Variants in SMIM19 observed in about 807,000 individuals in gnomAD.
SMIM19 encodes the protein UPF0697 protein C8orf40.
Under a neutral mutation model 13.2 loss-of-function variants are expected in SMIM19, and 6 were observed. The ratio of observed to expected loss-of-function variants is 0.45; its 90% confidence interval spans 0.25 to 0.90. The LOEUF (loss-of-function observed/expected upper bound fraction) is 0.90. Ranked by LOEUF, SMIM19 falls within the 40% of genes least tolerant of loss-of-function variation. The pLI is 0.19. For synonymous variants in SMIM19, 46 were observed against 43.1 expected, an observed-to-expected ratio of 1.07 and a Z score of -0.27; for missense variants, 138 against 131.0, an observed-to-expected ratio of 1.05 and a Z score of -0.26.
At chr8:42,543,614 C>T (rs182407456) in intron 1 of SMIM19, among the ~76,000 whole-genome samples, 3 of 152,176 alleles carry the variant, frequency 2.0e-5, no homozygotes, top group East Asian at 3.9e-4. Context: ...GAGGAAGTAG[C>T]GCTTTTGAGT....
intron 3 of SMIM19, among the ~76,000 whole-genome samples, chr8:42,550,746 C>T (rs1813647707): frequency 6.6e-6 from 1 of 152,108 alleles, no homozygotes. Context: ...AACATAGGCA[C>T]AGATTATGGG....
chr8:42,552,769 T>A lies in SMIM19; in HGVS notation c.*161T>A. ...TTGTTTTGCCTTTTTAAATTACATC[T>A]CCAAGTGGCTCAAAAGGCCTTGACA... is the stretch of plus-strand genomic sequence containing the variant. On this transcript the variant is annotated 3_prime_UTR_variant, in exon 4 of 4. Transcript: ENST00000417410. The A allele has an allele frequency of 1.3e-6, 1 of 771,788 alleles. No individual in the cohort carries two copies. Among genetic ancestry groups the A allele is most frequent in the Non-Finnish European group, 2.0e-6 (1 of 494,290 alleles). 47.8% of individuals were successfully genotyped at this position (771,788 alleles called of 1,614,324 possible).
chr8:42,550,407 C>T (rs912121011), intron 3 of SMIM19, among the ~76,000 whole-genome samples: 3 of 152,150 alleles, frequency 2.0e-5, no homozygotes, highest in African/African-American at 7.2e-5. Context: ...AGCTCCACAG[C>T]AGCTGCACCG....
At position 42,546,537 on chromosome 8, in the gene SMIM19, G is replaced by A; in HGVS notation, c.65G>A (p.Trp22Ter). The A allele has an allele frequency of 6.2e-7, 1 of 1,614,228 alleles. No homozygotes were observed. The highest frequency in any genetic ancestry group is 8.5e-7 in the Non-Finnish European group (1 of 1,180,046). Residue 22 changes from tryptophan to a stop codon, truncating the protein, a stop_gained, in exon 2 of 4, where the codon TGG becomes TAG. Transcript: ENST00000417410. LOFTEE classifies it high-confidence loss of function. ...ATTGATTATACTGTTCACGAAGCCT[G>A]GAATGAAGCCACCAATGTTTACTTG... ...GSIDYTVHEA[W>*]NEATNVYLIV...
chr8:42,548,543 G>C, intron 2 of SMIM19, 113 bp from the exon 3 acceptor site: 1 of 1,349,752 alleles, frequency 7.4e-7, no homozygotes, highest in South Asian at 1.2e-5. Context: ...AAAGTAAAAT[G>C]GTCTTGTCAT....
chr8:42,542,555 A>G (rs1813286629), intron 1 of SMIM19, 182 bp downstream of exon 1: 2 of 838,920 alleles, frequency 2.4e-6, no homozygotes, highest in Admixed American at 1.2e-4. Flanking sequence ...ATAACATTCA[A>G]GGCACGATGA....
intron 1 of SMIM19, among the ~76,000 whole-genome samples, chr8:42,545,536 G>A (rs2974343): frequency 0.54 from 82,647 of 151,846 alleles, 22,854 homozygotes; most frequent in Middle Eastern, 0.64. Flanking sequence ...AGTCTCTGTG[G>A]TTTTTGTTTT....
chr8:42,549,852 T>C (rs1233027406), intron 3 of SMIM19, among the ~76,000 whole-genome samples: 1 of 151,962 alleles, frequency 6.6e-6, no homozygotes, highest in Non-Finnish European at 1.5e-5. Context: ...ATCCTAGCAC[T>C]TTGGGAGTCT....
At chr8:42,547,560 G>A (rs1359920594) in intron 2 of SMIM19, among the ~76,000 whole-genome samples, 1 of 152,126 alleles carries the variant, frequency 6.6e-6, no homozygotes, top group Non-Finnish European at 1.5e-5. Flanking sequence ...TGACTCCTGT[G>A]TATTCAGCAG....
At chr8:42,552,240 G>A (rs576749484) in intron 3 of SMIM19, among the ~76,000 whole-genome samples, 8 of 152,126 alleles carry the variant, frequency 5.3e-5, no homozygotes, top group South Asian at 4.2e-4. Context: ...GCAACATGGC[G>A]AGACCCTATC....
intron 3 of SMIM19, among the ~76,000 whole-genome samples, chr8:42,549,407 G>A (rs939614253): frequency 2.7e-5 from 4 of 150,066 alleles, no homozygotes; most frequent in Non-Finnish European, 4.4e-5. Flanking sequence ...GCAAGACTCC[G>A]TCTCAAAAAA....
Position 42,551,138 on chromosome 8 carries a change from G to GA in SMIM19, c.260-1402dup, listed in dbSNP as rs553776615. Among the ~76,000 whole-genome samples, 10 of 152,086 alleles carry GA rather than the reference G, an allele frequency of 6.6e-5. No individual in the cohort carries two copies. In the East Asian group the frequency reaches 1.9e-3, roughly 29 times the overall value. On this transcript the variant is annotated intron_variant, in intron 3 of 3. Transcript: ENST00000417410. ...TCGAGACCATCCTGGCTAACACAGTGAAAACCTGTCTCTACTAAAAATATA... is the reference window on the plus strand; with the variant it reads ...TCGAGACCATCCTGGCTAACACAGTGAAAAACCTGTCTCTACTAAAAATATA...
chr8:42,545,065 C>T (rs188686467), intron 1 of SMIM19, among the ~76,000 whole-genome samples: 2 of 152,336 alleles, frequency 1.3e-5, no homozygotes, highest in African/African-American at 4.8e-5. Flanking sequence ...GTGCAACTAT[C>T]ACTTATATTT....
intron 3 of SMIM19, among the ~76,000 whole-genome samples, chr8:42,549,807 A>G (rs1483910870): frequency 6.6e-6 from 1 of 152,150 alleles, no homozygotes; most frequent in Admixed American, 6.5e-5. Context: ...AAAAGTACAG[A>G]GCCTTGGGGC....
At position 42,541,792 on chromosome 8, in the gene SMIM19, A is replaced by G. The variant is rs1352016102; in HGVS notation, c.-586A>G. ...CCCCGCGCCGCCCGCCCCGCCCCGG[A>G]CGCGGGGGTAAGGGGGGTGGCCGCC... On this transcript the variant is annotated 5_prime_UTR_variant, in exon 1 of 4. Transcript: ENST00000417410. The G allele has an allele frequency of 1.4e-5, 2 of 147,498 alleles. No homozygotes were observed. Among genetic ancestry groups the G allele is most frequent in the African/African-American group, 5.0e-5 (2 of 40,308 alleles). The allele number at this position is 147,498 out of a possible 1,614,324, so 9.1% of individuals were successfully genotyped here. A position where few individuals can be genotyped will look rare whatever the true frequency, so the allele number is the denominator to read the frequency against.
At chr8:42,547,576 C>G (rs1813532213) in intron 2 of SMIM19, among the ~76,000 whole-genome samples, 1 of 152,158 alleles carries the variant, frequency 6.6e-6, no homozygotes, top group Non-Finnish European at 1.5e-5. Flanking sequence ...AGCAGATCTC[C>G]CTTTAGCCAG....
At chr8:42,550,436 T>TG (rs897817366) in intron 3 of SMIM19, among the ~76,000 whole-genome samples, 50 of 152,280 alleles carry the variant, frequency 3.3e-4, no homozygotes, top group African/African-American at 1.1e-3. Context: ...TCAGGGTGCC[T>TG]GCATGGTTCT....
At chr8:42,544,448 C>T (rs1813409449) in intron 1 of SMIM19, among the ~76,000 whole-genome samples, 1 of 147,486 alleles carries the variant, frequency 6.8e-6, no homozygotes, top group Non-Finnish European at 1.5e-5. Context: ...ATGCCAAATA[C>T]CTCTGTACCT....
At position 42,545,051 on chromosome 8, in the gene SMIM19, T is replaced by C. The variant is rs183598020; in HGVS notation, c.-4-1418T>C. Among the ~76,000 whole-genome samples, 41 of 152,346 alleles carry C rather than the reference T, an allele frequency of 2.7e-4. 1 individual carries two copies. The highest frequency in any genetic ancestry group is 3.4e-3 in the Middle Eastern group (1 of 294). On this transcript the variant is annotated intron_variant, in intron 1 of 3. Transcript: ENST00000417410. ...TAGAAAATGACTGATTCTCAGAAAC[T>C]ACAGTGCAACTATCACTTATATTTG...
Sources: gnomAD v4.1 joint callset for allele counts (sites outside exome capture counted in the v4.1 genomes callset) on GRCh38, gnomAD v4.1.1 for gene constraint, MANE v1.5 for transcripts, NCBI Gene and HGNC (gene_info 2026-07-23, HGNC 2026-07-21) for gene names.